The following PAOX variants were observed in gnomAD, a reference collection of about 807,000 sequenced individuals.
The protein encoded by PAOX is polyamine oxidase.
A neutral mutation model predicts 39.0 loss-of-function variants in PAOX; 38 were observed. The observed-to-expected ratio is 0.97, with a 90% confidence interval of 0.75 to 1.28. PAOX has a LOEUF of 1.28. PAOX is among the 50% of genes most tolerant of loss of function. PAOX has a pLI of 0.00. For synonymous variants in PAOX, 311 were observed against 314.4 expected, an observed-to-expected ratio of 0.99 and a Z score of 0.11; for missense variants, 667 against 685.7, an observed-to-expected ratio of 0.97 and a Z score of 0.30.
intron 4 of PAOX, among the ~76,000 whole-genome samples, chr10:133,386,150 G>A (rs1356912262): frequency 2.0e-5 from 3 of 151,486 alleles, no homozygotes; most frequent in East Asian, 2.0e-4. Flanking sequence ...TCAGCCTCCC[G>A]AGTAGCTGGG....
chr10:133,387,405 A>C (rs906779874), intron 4 of PAOX, among the ~76,000 whole-genome samples: 10 of 152,246 alleles, frequency 6.6e-5, no homozygotes, highest in Non-Finnish European at 1.5e-5. Flanking sequence ...CAGGATTGGG[A>C]AGCTGTTATG....
In PAOX at chr10:133,391,369, G is replaced by A. The variant is rs200679666; in HGVS notation, c.1450G>A (p.Gly484Arg). 1.7e-5 allele frequency: 28 copies of A among 1,613,478 alleles called. No homozygotes were observed. Among genetic ancestry groups the A allele is most frequent in the South Asian group, 3.3e-5 (3 of 91,082 alleles). Residue 484 changes from glycine (G) to arginine (R), a missense_variant, in exon 7 of 7, where the codon GGG becomes AGG. Gly to Arg is a moderately radical substitution (Grantham distance 125). Transcript: ENST00000278060. Reference sequence around the variant, plus strand: ...TCGCACGTTTTACTCCACGACGCACGGGGCTCTGCTGTCGGGATGGAGGGA... The same window carrying A: ...TCGCACGTTTTACTCCACGACGCACAGGGCTCTGCTGTCGGGATGGAGGGA... ...THRTFYSTTH[G>R]ALLSGWREAD... is the part of the protein sequence containing the mutation.
At chr10:133,385,169 A>G (rs1285485940) in intron 4 of PAOX, among the ~76,000 whole-genome samples, 1 of 152,020 alleles carries the variant, frequency 6.6e-6, no homozygotes, top group Non-Finnish European at 1.5e-5. Context: ...GGTGGCACGC[A>G]CCTGTAATCA....
chr10:133,386,896 A>G (rs1241730730), intron 4 of PAOX, among the ~76,000 whole-genome samples: 1 of 152,236 alleles, frequency 6.6e-6, no homozygotes, highest in African/African-American at 2.4e-5. Flanking sequence ...AGAGCACACC[A>G]GTGAATTTTT....
In PAOX at chr10:133,380,187, C is replaced by T. The variant is rs750355768; in HGVS notation, c.370C>T (p.Leu124Phe). ...CGCCAGCTCCGGGGCCAGCGTGAGC[C>T]TCCAGCTGGTGGCGGAGATGGCGAC... ...SYASSGASVS[L>F]QLVAEMATLF... The change falls in exon 2 of 7, where the codon CTC becomes TTC. Residue 124 changes from leucine to phenylalanine, a missense_variant. By Grantham distance (22) the Leu-to-Phe change is conservative. Transcript: ENST00000278060. The T allele has an allele frequency of 6.2e-7, 1 of 1,612,424 alleles. No homozygotes were observed.
Position 133,380,376 on chromosome 10 carries a change from T to G in PAOX, c.559T>G (p.Phe187Val), listed in dbSNP as rs1564809824. Residue 187 changes from phenylalanine to valine, a missense_variant, in exon 2 of 7, where the codon TTC becomes GTC. Phe to Val is a conservative substitution (Grantham distance 50, BLOSUM62 -1). Transcript: ENST00000278060. The stretch of plus-strand genomic sequence containing the variant: ...GCTGAAGCTGGCCGTCCTGAACTCC[T>G]TCTTCAACCTGGAATGCTGTGTGAG... ...RKLKLAVLNSFFNLECCVSGT... is the reference protein window; with the variant it reads ...RKLKLAVLNSVFNLECCVSGT... 6.2e-7 allele frequency: 1 copy of G among 1,612,934 alleles called. No individual in the cohort carries two copies. The highest frequency in any genetic ancestry group is 2.2e-5 in the East Asian group (1 of 44,876).
At chr10:133,388,869 T>G (rs1185748326) in intron 4 of PAOX, 87 bp from the exon 5 acceptor site, 5 of 701,968 alleles carry the variant, frequency 7.1e-6, no homozygotes, top group East Asian at 2.5e-5. Context: ...ATCCCAGGGC[T>G]CTCTTTCTCC....
chr10:133,386,793 A>G (rs1849542535), intron 4 of PAOX, among the ~76,000 whole-genome samples: 1 of 152,226 alleles, frequency 6.6e-6, no homozygotes, highest in East Asian at 1.9e-4. Context: ...ATATTTAAAT[A>G]GCTTTTGAAA....
chr10:133,389,951 C>T (rs1849631240), intron 6 of PAOX, among the ~76,000 whole-genome samples: 1 of 152,230 alleles, frequency 6.6e-6, no homozygotes, highest in African/African-American at 2.4e-5. Flanking sequence ...TCAGAGAATT[C>T]TGCAGTGCTA....
At chr10:133,389,126 A>G (rs1043541692) in intron 5 of PAOX, 58 bp downstream of exon 5, 42 of 1,356,320 alleles carry the variant, frequency 3.1e-5, no homozygotes, top group Middle Eastern at 3.6e-4. Flanking sequence ...TTGATCTCTA[A>G]ACAGAAACTA....
chr10:133,380,851 G>T (rs966990745), intron 2 of PAOX, among the ~76,000 whole-genome samples: 4 of 152,186 alleles, frequency 2.6e-5, no homozygotes, highest in Admixed American at 2.6e-4. Flanking sequence ...GATGGTGCAT[G>T]CCTGTAATCC....
chr10:133,389,205 T>G, intron 5 of PAOX, 137 bp downstream of exon 5: 1 of 728,498 alleles, frequency 1.4e-6, no homozygotes. Context: ...TCCTTCCTCA[T>G]GTTAGTGGGG....
At position 133,379,432 on chromosome 10, in the gene PAOX, C is replaced by T; in HGVS notation, c.116C>T (p.Pro39Leu). Residue 39 changes from proline (P) to leucine (L), a missense_variant, in exon 1 of 7, where the codon CCG becomes CTG. Coordinates refer to ENST00000278060, the MANE Select transcript of PAOX (RefSeq NM_152911.4). The stretch of plus-strand genomic sequence containing the variant: ...AGGCTCTGCGGCCACTCCGCCTTCC[C>T]GCACCTGCGGGTCCTGGAGGCCACG... ...AQRLCGHSAF[P>L]HLRVLEATAR... is the part of the protein sequence containing the mutation. The T allele has an allele frequency of 8.2e-7, 1 of 1,224,796 alleles. No individual in the cohort carries two copies. The allele number at this position is 1,224,796 out of a possible 1,614,324, so 75.9% of individuals were successfully genotyped here.
At chr10:133,386,543 C>T (rs1032861081) in intron 4 of PAOX, among the ~76,000 whole-genome samples, 1 of 151,954 alleles carries the variant, frequency 6.6e-6, no homozygotes, top group East Asian at 1.9e-4. Flanking sequence ...AGCTCGATCT[C>T]GGTTCACTGC....
intron 4 of PAOX, among the ~76,000 whole-genome samples, 179 bp from the exon 5 acceptor site, chr10:133,388,777 G>A (rs1849590315): frequency 6.6e-6 from 1 of 152,202 alleles, no homozygotes; most frequent in African/African-American, 2.4e-5. Flanking sequence ...CTCCATCAGT[G>A]GTTCCTTGCT....
At chr10:133,391,277 T>C in intron 6 of PAOX, 35 bp from the exon 7 acceptor site, 1 of 1,597,290 alleles carries the variant, frequency 6.3e-7, no homozygotes, top group Non-Finnish European at 8.6e-7. Flanking sequence ...CTGTCTGAAT[T>C]GCATCCCCAT....
chr10:133,382,891 A>G (rs1328539535), intron 3 of PAOX: 5 of 152,140 alleles, frequency 3.3e-5, no homozygotes, highest in East Asian at 1.9e-4. Context: ...ATAGATCTAC[A>G]GCGGTCTTTT....
chr10:133,379,927 G>T, intron 1 of PAOX, 72 bp from the exon 2 acceptor site: 4 of 1,493,766 alleles, frequency 2.7e-6, no homozygotes, highest in Non-Finnish European at 3.5e-6. Context: ...CGTGGGCGTG[G>T]CCCAGGAGAA....
At chr10:133,381,860 A>G (rs766722835) in intron 3 of PAOX, among the ~76,000 whole-genome samples, 1 of 152,210 alleles carries the variant, frequency 6.6e-6, no homozygotes, top group Non-Finnish European at 1.5e-5. Flanking sequence ...ACCGTAAGAA[A>G]AAACGCGAGT....
Sources: allele counts gnomAD v4.1 joint callset (sites outside exome capture counted in the v4.1 genomes callset), GRCh38; gene constraint gnomAD v4.1.1; transcripts MANE v1.5; gene names NCBI Gene and HGNC (gene_info 2026-07-23, HGNC 2026-07-21).